The following CSMD1 variants were observed in gnomAD, a reference collection of about 807,000 sequenced individuals.
CSMD1 encodes CUB and sushi domain-containing protein 1.
A neutral mutation model predicts 417.5 loss-of-function variants in CSMD1; 213 were observed. The ratio of observed to expected loss-of-function variants is 0.51; its 90% CI spans 0.46 to 0.57. The LOEUF (loss-of-function observed/expected upper bound fraction) is 0.57. Among genes scored for constraint, CSMD1 ranks in the 20% least tolerant of loss-of-function variants. The pLI, the probability that CSMD1 is intolerant of heterozygous loss-of-function variation, is 0.00. For missense variants in CSMD1, 6,923 were observed against 4,529.7 expected (o/e 1.53, Z -15.17); for synonymous variants, 2,862 against 1,736.8 (o/e 1.65, Z -16.11).
chr8:3,305,743 G>T (rs186674125), intron 25 of CSMD1, among the ~76,000 whole-genome samples: 1 of 152,200 alleles, frequency 6.6e-6, no homozygotes, highest in South Asian at 2.1e-4. Flanking sequence ...ACAGTGGCAC[G>T]ATCTCAGCTC....
At chr8:4,827,585 G>A (rs80180295) in intron 1 of CSMD1, among the ~76,000 whole-genome samples, 5,229 of 152,198 alleles carry the variant, frequency 0.034, 308 homozygotes, top group African/African-American at 0.12. Context: ...AATACAGCCT[G>A]CATTTTCTTT....
At chr8:3,565,912 C>G (rs1325247285) in intron 10 of CSMD1, among the ~76,000 whole-genome samples, 4 of 152,098 alleles carry the variant, frequency 2.6e-5, no homozygotes, top group Non-Finnish European at 4.4e-5. Context: ...TTTCCTGCTT[C>G]CAGTTTTGTG....
chr8:3,186,913 G>A (rs909540995), intron 36 of CSMD1, among the ~76,000 whole-genome samples: 2 of 152,150 alleles, frequency 1.3e-5, no homozygotes, highest in African/African-American at 4.8e-5. Context: ...GGCTACTTTT[G>A]GTAATTTTAG....
At chr8:4,886,322 G>C (rs1035209212) in intron 1 of CSMD1, among the ~76,000 whole-genome samples, 4 of 151,722 alleles carry the variant, frequency 2.6e-5, no homozygotes, top group African/African-American at 7.3e-5. Flanking sequence ...AGTTGTTCCA[G>C]CACTATATAT....
At chr8:3,218,794 C>T (rs1395490802) in intron 29 of CSMD1, among the ~76,000 whole-genome samples, 1 of 152,082 alleles carries the variant, frequency 6.6e-6, no homozygotes, top group Non-Finnish European at 1.5e-5. Flanking sequence ...ATCATTTGAA[C>T]CCGGGAGGCG....
chr8:4,336,866 T>C (rs1266474229), intron 3 of CSMD1, among the ~76,000 whole-genome samples: 1 of 152,104 alleles, frequency 6.6e-6, no homozygotes, highest in African/African-American at 2.4e-5. Context: ...CAATAATCAA[T>C]TCTGTTAAAA....
chr8:3,755,213 T>TA (rs1194790980), intron 5 of CSMD1, among the ~76,000 whole-genome samples: 2 of 152,220 alleles, frequency 1.3e-5, no homozygotes, highest in African/African-American at 4.8e-5. Flanking sequence ...ATGCTTCTGA[T>TA]ACAGGATTGC....
intron 1 of CSMD1, among the ~76,000 whole-genome samples, chr8:4,708,931 C>T (rs984065832): frequency 6.6e-6 from 1 of 152,172 alleles, no homozygotes; most frequent in Non-Finnish European, 1.5e-5. Flanking sequence ...TGGTCATTCA[C>T]AAGCCAAAGA....
chr8:3,105,384 C>G (rs1172819742), intron 46 of CSMD1, among the ~76,000 whole-genome samples: 1 of 152,204 alleles, frequency 6.6e-6, no homozygotes, highest in Non-Finnish European at 1.5e-5. Context: ...CTGCACTTCA[C>G]TATGATTTTG....
intron 12 of CSMD1, among the ~76,000 whole-genome samples, chr8:3,460,994 T>C (rs556594347): frequency 6.6e-6 from 1 of 152,254 alleles, no homozygotes; most frequent in South Asian, 2.1e-4. Flanking sequence ...GCATATTAAA[T>C]GGAATGGCAG....
chr8:4,497,252 C>T (rs1007077978), intron 2 of CSMD1, among the ~76,000 whole-genome samples: 6 of 152,190 alleles, frequency 3.9e-5, no homozygotes, highest in African/African-American at 1.4e-4. Context: ...AACTCATCTT[C>T]ATCATGATGT....
chr8:4,124,852 A>C (rs1802673506), intron 3 of CSMD1, among the ~76,000 whole-genome samples: 1 of 152,174 alleles, frequency 6.6e-6, no homozygotes, highest in Non-Finnish European at 1.5e-5. Context: ...GATACAAAAT[A>C]AACTAACTCT....
At chr8:3,017,225 G>A (rs1808912434) in intron 52 of CSMD1, among the ~76,000 whole-genome samples, 2 of 152,064 alleles carry the variant, frequency 1.3e-5, no homozygotes, top group South Asian at 2.1e-4. Flanking sequence ...AGTGGAACTG[G>A]GCTCCTTCAG....
intron 23 of CSMD1, among the ~76,000 whole-genome samples, chr8:3,325,819 G>A (rs189404816): frequency 6.6e-4 from 100 of 152,080 alleles, no homozygotes; most frequent in Middle Eastern, 3.4e-3. Context: ...GTGAGGCTCC[G>A]TCTCAAACAA....
intron 2 of CSMD1, among the ~76,000 whole-genome samples, chr8:4,420,399 G>T (rs1430124223): frequency 6.6e-6 from 1 of 151,696 alleles, no homozygotes; most frequent in Non-Finnish European, 1.5e-5. Flanking sequence ...TAAGTTATAG[G>T]GTACATGTGC....
chr8:4,345,215 A>T (rs78828966), intron 3 of CSMD1, among the ~76,000 whole-genome samples: 45 of 152,250 alleles, frequency 3.0e-4, no homozygotes, highest in South Asian at 1.0e-3. Context: ...GCTAACATAT[A>T]TTAGCAGCTA....
chr8:4,306,002 G>A (rs1199197435), intron 3 of CSMD1, among the ~76,000 whole-genome samples: 3 of 152,118 alleles, frequency 2.0e-5, no homozygotes, highest in Admixed American at 2.0e-4. Flanking sequence ...TAATGGTTGT[G>A]CAATATTATA....
chr8:4,122,793 CA>C (rs541714300), intron 3 of CSMD1, among the ~76,000 whole-genome samples: 1 of 152,058 alleles, frequency 6.6e-6, no homozygotes, highest in Non-Finnish European at 1.5e-5. Context: ...TGTCTTCCAT[CA>C]AAAAAACAAA....
intron 1 of CSMD1, among the ~76,000 whole-genome samples, chr8:4,767,664 C>T (rs1812557004): frequency 6.6e-6 from 1 of 152,244 alleles, no homozygotes; most frequent in Non-Finnish European, 1.5e-5. Context: ...CATTTAGCTA[C>T]CCACAGTCAC....
Sources: allele counts gnomAD v4.1 joint callset (sites outside exome capture counted in the v4.1 genomes callset), GRCh38; gene constraint gnomAD v4.1.1; transcripts MANE v1.5; gene names NCBI Gene and HGNC (gene_info 2026-07-23, HGNC 2026-07-21).